Variants in ENAH observed in about 807,000 individuals in gnomAD.
The protein encoded by ENAH is protein enabled homolog.
ENAH carries 23 observed loss-of-function variants against 78.7 expected under a neutral mutation model. The ratio of observed to expected loss-of-function variants is 0.29; its 90% CI spans 0.21 to 0.41. The LOEUF (loss-of-function observed/expected upper bound fraction) is 0.41, where lower values mean the gene tolerates loss of function less well. ENAH is among the 10% of genes least tolerant of loss of function. ENAH has a pLI of 1.00. For synonymous variants in ENAH, 226 were observed against 241.0 expected (o/e 0.94, Z 0.58); for missense variants, 544 against 691.0 (o/e 0.79, Z 2.39).
At chr1:225,594,450 A>G (rs2096892893) in intron 1 of ENAH, among the ~76,000 whole-genome samples, 1 of 152,122 alleles carries the variant, frequency 6.6e-6, no homozygotes, top group Non-Finnish European at 1.5e-5. Flanking sequence ...TGTATCTCCC[A>G]GTTCACATCC....
chr1:225,574,094 C>G (rs2096776278), intron 1 of ENAH, among the ~76,000 whole-genome samples: 1 of 152,104 alleles, frequency 6.6e-6, no homozygotes, highest in East Asian at 1.9e-4. Context: ...AGAAATAACA[C>G]TAAAAACTTT....
chr1:225,589,658 T>A (rs1241779508), intron 1 of ENAH, among the ~76,000 whole-genome samples: 1 of 152,228 alleles, frequency 6.6e-6, no homozygotes, highest in East Asian at 1.9e-4. Flanking sequence ...TGCATTGTTT[T>A]TTAATATTTT....
intron 1 of ENAH, among the ~76,000 whole-genome samples, chr1:225,609,750 C>T (rs1418980895): frequency 1.4e-5 from 2 of 146,370 alleles, no homozygotes; most frequent in African/African-American, 5.1e-5. Context: ...CTGCAACATC[C>T]ACCTCTCAGG....
At chr1:225,615,742 C>A (rs1487837204) in intron 1 of ENAH, among the ~76,000 whole-genome samples, 1 of 151,450 alleles carries the variant, frequency 6.6e-6, no homozygotes, top group African/African-American at 2.4e-5. Context: ...GCCACCCCGT[C>A]TGGGAGGTGA....
intron 3 of ENAH, among the ~76,000 whole-genome samples, chr1:225,537,454 C>G (rs1286657087): frequency 6.6e-6 from 1 of 152,168 alleles, no homozygotes; most frequent in Non-Finnish European, 1.5e-5. Context: ...AATTCTACTG[C>G]AGTTTGCATT....
intron 1 of ENAH, among the ~76,000 whole-genome samples, chr1:225,640,383 T>C (rs1209873356): frequency 1.3e-5 from 2 of 152,218 alleles, no homozygotes; most frequent in African/African-American, 4.8e-5. Flanking sequence ...ATCTCTGAAA[T>C]GTTCTAGGTC....
chr1:225,517,555 G>C, intron 5 of ENAH: 1 of 1,551,456 alleles, frequency 6.4e-7, no homozygotes, highest in East Asian at 2.4e-5. Flanking sequence ...AACACAAACA[G>C]GGAGGACAGG....
intron 12 of ENAH, among the ~76,000 whole-genome samples, chr1:225,499,733 C>A (rs772443627): frequency 6.6e-6 from 1 of 152,100 alleles, no homozygotes; most frequent in Non-Finnish European, 1.5e-5. Context: ...GGTCCCATGA[C>A]AAAGTGACAC....
intron 2 of ENAH, among the ~76,000 whole-genome samples, chr1:225,556,449 C>T (rs988515702): frequency 6.6e-6 from 1 of 152,026 alleles, no homozygotes; most frequent in Non-Finnish European, 1.5e-5. Flanking sequence ...GTTTGCATTT[C>T]CCTGATTTTT....
intron 1 of ENAH, among the ~76,000 whole-genome samples, chr1:225,638,355 G>A (rs1179419505): frequency 6.6e-6 from 1 of 152,026 alleles, no homozygotes; most frequent in Admixed American, 6.6e-5. Flanking sequence ...TGTAGAGATA[G>A]ACCATGTTGC....
chr1:225,552,999 C>T (rs1209912739), intron 3 of ENAH, among the ~76,000 whole-genome samples: 2 of 152,022 alleles, frequency 1.3e-5, no homozygotes, highest in South Asian at 2.1e-4. Context: ...TTTGGGAGGC[C>T]GAGGTGGGCA....
intron 11 of ENAH, among the ~76,000 whole-genome samples, chr1:225,502,486 G>A (rs902659036): frequency 4.6e-5 from 7 of 152,102 alleles, no homozygotes; most frequent in Non-Finnish European, 8.8e-5. Context: ...CTGGGTGTAG[G>A]TGTGAGCCAC....
intron 5 of ENAH, chr1:225,517,730 G>A (rs1225109164): frequency 5.8e-6 from 9 of 1,551,142 alleles, no homozygotes; most frequent in South Asian, 2.4e-5. Flanking sequence ...TTCAGAGGAC[G>A]AGGAACTGTA....
chr1:225,514,925 G>A (rs775048778), intron 6 of ENAH, 25 bp from the exon 7 acceptor site: 1 of 1,585,150 alleles, frequency 6.3e-7, no homozygotes. Context: ...TGTTAAGTAA[G>A]ACCATCAACA....
At chr1:225,626,495 C>T (rs1657972895) in intron 1 of ENAH, among the ~76,000 whole-genome samples, 1 of 152,246 alleles carries the variant, frequency 6.6e-6, no homozygotes, top group African/African-American at 2.4e-5. Flanking sequence ...CTAGGCCCTC[C>T]TGCCTTTGTG....
chr1:225,624,318 A>G (rs1657548023), intron 1 of ENAH, among the ~76,000 whole-genome samples: 1 of 152,142 alleles, frequency 6.6e-6, no homozygotes, highest in Non-Finnish European at 1.5e-5. Context: ...GAAAAGGACA[A>G]AGAAATATTT....
At chr1:225,559,230 TACACC>T (rs1301765225) in intron 2 of ENAH, among the ~76,000 whole-genome samples, 23 of 152,222 alleles carry the variant, frequency 1.5e-4, no homozygotes, top group Non-Finnish European at 2.5e-4. Context: ...TCTTAACACC[TACACC>T]TATGGGATTC....
chr1:225,625,437 A>T (rs1415792722), intron 1 of ENAH, among the ~76,000 whole-genome samples: 4 of 152,196 alleles, frequency 2.6e-5, no homozygotes. Flanking sequence ...TTTTTAAAAA[A>T]AGAAGTCGTG....
chr1:225,497,796 C>T lies in ENAH; in HGVS notation c.1692G>A (p.Leu564=). 1 of 1,612,386 alleles carries T rather than the reference C, an allele frequency of 6.2e-7. No individual in the cohort carries two copies. Among genetic ancestry groups the T allele is most frequent in the Non-Finnish European group, 8.5e-7 (1 of 1,179,170 alleles). The change falls in exon 14 of 14, where the codon CTG becomes CTA. Residue 564 remains leucine, a synonymous_variant. Transcript: ENST00000366843. Reference sequence around the variant, plus strand: ...TCCTCTATGCAGTATTTGACTTGCTCAGTTCCTGCCTGATTGCTGGATGGA... The same window carrying T: ...TCCTCTATGCAGTATTTGACTTGCTTAGTTCCTGCCTGATTGCTGGATGGA... ...EELIDAIRQE[L]SKSNTA
Sources: gnomAD v4.1 joint callset for allele counts (sites outside exome capture counted in the v4.1 genomes callset) on GRCh38, gnomAD v4.1.1 for gene constraint, MANE v1.5 for transcripts, NCBI Gene and HGNC (gene_info 2026-07-23, HGNC 2026-07-21) for gene names.